TNFAIP8: variants seen among roughly 807,000 people sequenced by gnomAD.
TNFAIP8 encodes the protein tumor necrosis factor alpha-induced protein 8.
Under a neutral mutation model 13.3 loss-of-function variants are expected in TNFAIP8, and 7 were observed. That is an observed-to-expected ratio of 0.52 (90% CI 0.30 to 0.99). The LOEUF (loss-of-function observed/expected upper bound fraction) is 0.99, where lower values mean the gene tolerates loss of function less well. Ranked by LOEUF, TNFAIP8 falls within the 50% of genes least tolerant of loss-of-function variation. The probability of loss-of-function intolerance (pLI) is 0.07; values close to 1 mark genes in which losing one functional copy is unlikely to be tolerated. For synonymous variants in TNFAIP8, 94 were observed against 87.6 expected (o/e 1.07, Z -0.41); for missense variants, 258 against 236.9 (o/e 1.09, Z -0.58).
chr5:119,300,453 G>A (rs1038670275), intron 1 of TNFAIP8, among the ~76,000 whole-genome samples: 7 of 152,154 alleles, frequency 4.6e-5, no homozygotes, highest in African/African-American at 1.7e-4. Flanking sequence ...AATGTTATTT[G>A]TAAAAGCACT....
At chr5:119,302,160 A>G (rs1350743686) in intron 1 of TNFAIP8, among the ~76,000 whole-genome samples, 1 of 152,230 alleles carries the variant, frequency 6.6e-6, no homozygotes, top group Non-Finnish European at 1.5e-5. Flanking sequence ...GGTCAGGCTA[A>G]CTGGCCAGTG....
chr5:119,333,608 A>G lies in TNFAIP8; in HGVS notation c.2-59208A>G, dbSNP rs770901072. ...TGTGAAGTTGTCCTTCTGATTGCAC[A>G]CGGGGAGAAAATGCTGAAACTAGGT... On this transcript the variant is annotated intron_variant, in intron 1 of 1. Transcript: ENST00000274456. 2.1e-5 allele frequency: 32 copies of G among 1,535,468 alleles called. No individual in the cohort carries two copies. The Admixed American group carries it at 6.1e-4, about 29-fold the overall frequency.
At chr5:119,338,321 C>T (rs1170421211) in intron 1 of TNFAIP8, among the ~76,000 whole-genome samples, 3 of 152,212 alleles carry the variant, frequency 2.0e-5, no homozygotes, top group Non-Finnish European at 4.4e-5. Flanking sequence ...TATCAGGAAG[C>T]CCCGTCAGGA....
intron 1 of TNFAIP8, among the ~76,000 whole-genome samples, chr5:119,362,116 T>A (rs923006139): frequency 2.6e-5 from 4 of 152,166 alleles, no homozygotes; most frequent in African/African-American, 2.4e-5. Context: ...TATGAAAGTC[T>A]AGAAGAGGGG....
At chr5:119,354,661 A>G (rs1338775784), upstream of TNFAIP8, 1 of 152,324 alleles carries the variant, frequency 6.6e-6, no homozygotes, top group Non-Finnish European at 1.5e-5. Flanking sequence ...AAATCTGTGA[A>G]GTAAATAATA....
upstream of TNFAIP8, chr5:119,355,528 C>T: frequency 1.7e-6 from 1 of 583,686 alleles, no homozygotes; most frequent in Non-Finnish European, 3.1e-6. Flanking sequence ...CATACCAAAG[C>T]CGCTTTAAAA....
chr5:119,373,062 A>C (rs748800912), intron 1 of TNFAIP8, among the ~76,000 whole-genome samples: 2 of 152,198 alleles, frequency 1.3e-5, no homozygotes, highest in African/African-American at 4.8e-5. Flanking sequence ...TGGTAGTATG[A>C]CTGGATTCTT....
At chr5:119,387,175 C>T (rs569838692) in intron 1 of TNFAIP8, among the ~76,000 whole-genome samples, 1 of 152,108 alleles carries the variant, frequency 6.6e-6, no homozygotes, top group Admixed American at 6.6e-5. Flanking sequence ...TCTTCGCCTG[C>T]TGACTTCTTA....
At chr5:119,321,043 C>T (rs1007287651) in intron 1 of TNFAIP8, among the ~76,000 whole-genome samples, 2 of 152,246 alleles carry the variant, frequency 1.3e-5, no homozygotes, top group African/African-American at 2.4e-5. Flanking sequence ...GGTGAAACCC[C>T]GTCTCTACTA....
intron 1 of TNFAIP8, among the ~76,000 whole-genome samples, chr5:119,302,551 A>G (rs1749428541): frequency 6.6e-6 from 1 of 152,256 alleles, no homozygotes; most frequent in Non-Finnish European, 1.5e-5. Flanking sequence ...TGAACTGTCA[A>G]ATTATTCACC....
At chr5:119,282,959 G>A (rs772576881) in intron 1 of TNFAIP8, among the ~76,000 whole-genome samples, 10 of 152,164 alleles carry the variant, frequency 6.6e-5, no homozygotes, top group Non-Finnish European at 1.3e-4. Context: ...CACTTAGTGG[G>A]GCATTTGTGC....
rs117102620 is a variant in TNFAIP8, at chr5:119,317,863, C to T, written c.1+48956C>T. On this transcript the variant is annotated intron_variant, in intron 1 of 1. Transcript: ENST00000274456. Reference sequence around the variant, plus strand: ...TCTGCCCGCCTTGGCTCCCAAAGTGCTGGGATTACAGGCGTGAGCTCCTGC... The same window carrying T: ...TCTGCCCGCCTTGGCTCCCAAAGTGTTGGGATTACAGGCGTGAGCTCCTGC... Among the ~76,000 whole-genome samples, 4 of 152,276 alleles carry T rather than the reference C, an allele frequency of 2.6e-5. No homozygotes were observed. The East Asian group carries it at 5.8e-4, about 22-fold the overall frequency.
chr5:119,271,470 T>G (rs1270106365), intron 1 of TNFAIP8, among the ~76,000 whole-genome samples: 1 of 152,222 alleles, frequency 6.6e-6, no homozygotes, highest in African/African-American at 2.4e-5. Flanking sequence ...TTGATCTACC[T>G]CATGTAGAAT....
At chr5:119,380,467 G>T (rs560553714) in intron 1 of TNFAIP8, among the ~76,000 whole-genome samples, 1 of 152,342 alleles carries the variant, frequency 6.6e-6, no homozygotes, top group South Asian at 2.1e-4. Context: ...ATGGAAAAGT[G>T]TAGAAAATCA....
chr5:119,397,551 A>G lies in TNFAIP8; in HGVS notation c.*4170A>G, dbSNP rs1246808135. 6.6e-6 allele frequency: 1 copy of G among 152,214 alleles called. No individual in the cohort carries two copies. The highest frequency in any genetic ancestry group is 1.9e-4 in the East Asian group (1 of 5,200). The allele number at this position is 152,214 out of a possible 1,614,324, so 9.4% of individuals were successfully genotyped here. ...GGCTTCTAGGTGATTTGTTAAACTCATAGCAGGTTTTAGTACACAGTGCTG... is the reference window on the plus strand; with the variant it reads ...GGCTTCTAGGTGATTTGTTAAACTCGTAGCAGGTTTTAGTACACAGTGCTG... On this transcript the variant is annotated 3_prime_UTR_variant, in exon 2 of 2. Transcript: ENST00000504771.
chr5:119,380,769 C>G (rs1752455389), intron 1 of TNFAIP8, among the ~76,000 whole-genome samples: 1 of 152,108 alleles, frequency 6.6e-6, no homozygotes, highest in South Asian at 2.1e-4. Context: ...TCTGTTCAAA[C>G]TTTGGTTTAC....
chr5:119,367,194 ATTTG>A (rs1751891245), intron 1 of TNFAIP8, among the ~76,000 whole-genome samples: 1 of 152,174 alleles, frequency 6.6e-6, no homozygotes, highest in Non-Finnish European at 1.5e-5. Context: ...TACATTCCTG[ATTTG>A]TTTTAGTCCT....
chr5:119,320,114 T>C (rs1042674046), intron 1 of TNFAIP8, among the ~76,000 whole-genome samples: 1 of 152,210 alleles, frequency 6.6e-6, no homozygotes, highest in Non-Finnish European at 1.5e-5. Flanking sequence ...ATTCAAGTAG[T>C]GGACTGGGAG....
At chr5:119,333,215 T>G (rs757009585) in intron 1 of TNFAIP8, 5 of 1,007,942 alleles carry the variant, frequency 5.0e-6, no homozygotes, top group African/African-American at 1.7e-5. Context: ...CAGGTAATCT[T>G]GCATTTCTAT....
Sources: gnomAD v4.1 joint callset for allele counts (sites outside exome capture counted in the v4.1 genomes callset) on GRCh38, gnomAD v4.1.1 for gene constraint, MANE v1.5 for transcripts, NCBI Gene and HGNC (gene_info 2026-07-23, HGNC 2026-07-21) for gene names.